Variants in VWA8 observed in about 807,000 individuals in gnomAD.
VWA8 encodes von Willebrand factor A domain containing 8.
VWA8 carries 221 observed loss-of-function variants against 241.5 expected under a neutral mutation model. That is an observed-to-expected ratio of 0.91 (90% confidence interval 0.82 to 1.02). The LOEUF (loss-of-function observed/expected upper bound fraction) is 1.02. VWA8 is among the 50% of genes least tolerant of loss of function. The pLI, the probability that VWA8 is intolerant of heterozygous loss-of-function variation, is 0.00. For synonymous variants in VWA8, 852 were observed against 827.1 expected, an observed-to-expected ratio of 1.03 and a Z score of -0.52; for missense variants, 2,322 against 2,328.7, an observed-to-expected ratio of 1.00 and a Z score of 0.06.
chr13:41,895,648 G>C (rs1875064629), intron 4 of VWA8, among the ~76,000 whole-genome samples: 1 of 152,030 alleles, frequency 6.6e-6, no homozygotes, highest in East Asian at 1.9e-4. Flanking sequence ...AAAAATATCT[G>C]AAAAGAGAGG....
Position 41,685,152 on chromosome 13 carries a change from T to G in VWA8, c.4222A>C (p.Arg1408=), listed in dbSNP as rs766630892. 5.0e-6 allele frequency: 8 copies of G among 1,613,470 alleles called. No individual in the cohort carries two copies. The highest frequency in any genetic ancestry group is 6.8e-6 in the Non-Finnish European group (8 of 1,179,724). Residue 1408 remains arginine (R), a synonymous_variant, in exon 35 of 45, where the codon AGG becomes CGG. Transcript: ENST00000379310. The part of the protein sequence containing the change: ...DTSFYRGKKK[R]GTPKQSNCVT... ...CAATTGCTTTGTTTTGGAGTCCCCC[T>G]TTTCTTCTTTCCTCTATAGAATGAT...
chr13:41,865,556 G>T, intron 12 of VWA8, 180 bp downstream of exon 12: 1 of 623,076 alleles, frequency 1.6e-6, no homozygotes, highest in Non-Finnish European at 2.7e-6. Flanking sequence ...ATCCTAGAAT[G>T]TACTTTCAAA....
At chr13:41,949,324 A>G (rs1225258438) in intron 2 of VWA8, among the ~76,000 whole-genome samples, 2 of 152,198 alleles carry the variant, frequency 1.3e-5, no homozygotes, top group Admixed American at 1.3e-4. Context: ...TGTCCTTTGC[A>G]GGGACATGGA....
intron 26 of VWA8, 152 bp downstream of exon 26, chr13:41,719,439 T>A (rs2045367795): frequency 2.0e-5 from 29 of 1,469,592 alleles, no homozygotes; most frequent in Non-Finnish European, 2.5e-5. Context: ...GCTATTTAAC[T>A]GAAAAGCAGC....
chr13:41,946,892 A>G (rs1024447609), intron 2 of VWA8, among the ~76,000 whole-genome samples: 5 of 152,156 alleles, frequency 3.3e-5, no homozygotes, highest in Non-Finnish European at 7.4e-5. Flanking sequence ...AACGCCATTA[A>G]AACAATTTAT....
chr13:41,916,521 T>G (rs1876263394), intron 2 of VWA8, among the ~76,000 whole-genome samples: 1 of 152,256 alleles, frequency 6.6e-6, no homozygotes, highest in African/African-American at 2.4e-5. Context: ...ATTTCAAAGT[T>G]ATTTTGTAAT....
At chr13:41,590,980 T>C (rs1593635904) in intron 40 of VWA8, among the ~76,000 whole-genome samples, 1 of 152,176 alleles carries the variant, frequency 6.6e-6, no homozygotes, top group Non-Finnish European at 1.5e-5. Flanking sequence ...AACAATAAAA[T>C]GAATGAAAGA....
intron 16 of VWA8, among the ~76,000 whole-genome samples, chr13:41,813,814 A>C (rs550799754): frequency 6.6e-5 from 10 of 152,264 alleles, no homozygotes; most frequent in Non-Finnish European, 1.5e-4. Flanking sequence ...AAAAATTGAG[A>C]GTATACTTTA....
chr13:41,918,029 G>A (rs75535296), intron 2 of VWA8, among the ~76,000 whole-genome samples: 4,393 of 152,114 alleles, frequency 0.029, 66 homozygotes, highest in Middle Eastern at 0.058. Context: ...GGACATGAAG[G>A]GTGAAAATAT....
Position 41,703,416 on chromosome 13 carries a change from T to A in VWA8, c.3117-5A>T. Reference sequence around the variant, plus strand: ...GTTTGTTCTGGCAGAGTCAACCTGTTAAGGATGATTTGCAAAGTAAATATT... The same window carrying A: ...GTTTGTTCTGGCAGAGTCAACCTGTAAAGGATGATTTGCAAAGTAAATATT... On this transcript the variant is annotated splice_polypyrimidine_tract_variant and splice_region_variant and intron_variant, in intron 26 of 44. Coordinates refer to ENST00000379310, the MANE Select transcript of VWA8 (RefSeq NM_015058.2). 1 of 1,612,704 alleles carries A rather than the reference T, an allele frequency of 6.2e-7. No homozygotes were observed. Among genetic ancestry groups the A allele is most frequent in the Non-Finnish European group, 8.5e-7 (1 of 1,179,084 alleles).
At chr13:41,818,241 G>T (rs1369557059) in intron 15 of VWA8, among the ~76,000 whole-genome samples, 2 of 150,146 alleles carry the variant, frequency 1.3e-5, no homozygotes, top group Non-Finnish European at 3.0e-5. Flanking sequence ...GGGATTACAG[G>T]CATGAGCCAC....
At chr13:41,924,634 A>G (rs748154540) in intron 2 of VWA8, among the ~76,000 whole-genome samples, 5 of 152,160 alleles carry the variant, frequency 3.3e-5, no homozygotes, top group Non-Finnish European at 7.3e-5. Context: ...GAGGTCCAGA[A>G]TTCCTAGGCC....
intron 14 of VWA8, among the ~76,000 whole-genome samples, chr13:41,830,319 A>T (rs533868338): frequency 5.3e-5 from 8 of 150,786 alleles, no homozygotes; most frequent in East Asian, 3.9e-4. Flanking sequence ...TTTTTTTTTA[A>T]AAAAAAAAAG....
intron 28 of VWA8, among the ~76,000 whole-genome samples, chr13:41,700,738 G>A (rs2045243974): frequency 6.6e-6 from 1 of 152,084 alleles, no homozygotes; most frequent in African/African-American, 2.4e-5. Flanking sequence ...CAGATTTGTG[G>A]AATAAACTAC....
At chr13:41,889,834 T>C (rs1378995408) in intron 5 of VWA8, among the ~76,000 whole-genome samples, 1 of 152,228 alleles carries the variant, frequency 6.6e-6, no homozygotes, top group Non-Finnish European at 1.5e-5. Context: ...TGAGTATTTT[T>C]TTTCCAAATT....
At chr13:41,920,346 C>T (rs1466591750) in intron 2 of VWA8, among the ~76,000 whole-genome samples, 2 of 152,130 alleles carry the variant, frequency 1.3e-5, no homozygotes, top group Admixed American at 1.3e-4. Context: ...AGCTATATTC[C>T]TGCCCCCTGG....
At chr13:41,675,395 C>A (rs61964887) in intron 35 of VWA8, 99 bp from the exon 36 acceptor site, 1 of 781,062 alleles carries the variant, frequency 1.3e-6, no homozygotes, top group Non-Finnish European at 2.1e-6. Flanking sequence ...TAGGGTAGAA[C>A]GCTGGGATCT....
chr13:41,792,264 T>A (rs984691753), intron 17 of VWA8, among the ~76,000 whole-genome samples: 6 of 151,902 alleles, frequency 3.9e-5, no homozygotes, highest in Non-Finnish European at 8.9e-5. Flanking sequence ...ATCCAAAACA[T>A]CTTTCCTAGT....
intron 35 of VWA8, among the ~76,000 whole-genome samples, chr13:41,676,718 C>T (rs1465727076): frequency 2.0e-5 from 3 of 152,066 alleles, no homozygotes; most frequent in Non-Finnish European, 2.9e-5. Flanking sequence ...CTGCAACCTC[C>T]GCCTCCTCTG....
Sources: gnomAD v4.1 joint callset for allele counts (sites outside exome capture counted in the v4.1 genomes callset) on GRCh38, gnomAD v4.1.1 for gene constraint, MANE v1.5 for transcripts, NCBI Gene and HGNC (gene_info 2026-07-23, HGNC 2026-07-21) for gene names.